The following PARD3 variants were observed in gnomAD, a reference collection of about 807,000 sequenced individuals.
PARD3 encodes the protein partitioning defective 3 homolog.
In PARD3, 75 loss-of-function variants were observed where a neutral mutation model predicts 155.4. The ratio of observed to expected loss-of-function variants is 0.48; its 90% confidence interval spans 0.40 to 0.58. The LOEUF (loss-of-function observed/expected upper bound fraction) is 0.58. PARD3 is among the 20% of genes least tolerant of loss of function. PARD3 has a pLI of 0.00. For synonymous variants in PARD3, 576 were observed against 610.5 expected (o/e 0.94, Z 0.83); for missense variants, 1,642 against 1,721.7 (o/e 0.95, Z 0.82).
At chr10:34,690,493 T>C (rs1006919934) in intron 2 of PARD3, among the ~76,000 whole-genome samples, 3 of 152,158 alleles carry the variant, frequency 2.0e-5, no homozygotes, top group African/African-American at 7.2e-5. Context: ...TGGTACTGCA[T>C]AACCCTTCAG....
At chr10:34,141,195 T>C (rs562905234) in intron 22 of PARD3, among the ~76,000 whole-genome samples, 1 of 152,318 alleles carries the variant, frequency 6.6e-6, no homozygotes, top group Admixed American at 6.5e-5. Context: ...TTTATATGTG[T>C]CTATGTATAC....
At chr10:34,653,970 C>T (rs755090818) in intron 2 of PARD3, among the ~76,000 whole-genome samples, 3 of 152,110 alleles carry the variant, frequency 2.0e-5, no homozygotes, top group African/African-American at 7.2e-5. Flanking sequence ...TGTACACAGA[C>T]ATGCACACCA....
At chr10:34,632,382 C>T (rs1172808158) in intron 2 of PARD3, among the ~76,000 whole-genome samples, 1 of 152,178 alleles carries the variant, frequency 6.6e-6, no homozygotes, top group Non-Finnish European at 1.5e-5. Context: ...CTAAGGAGGC[C>T]ACCACAACCT....
intron 22 of PARD3, among the ~76,000 whole-genome samples, chr10:34,133,493 ATCT>A (rs754461875): frequency 3.4e-4 from 52 of 152,308 alleles, no homozygotes; most frequent in East Asian, 2.7e-3. Flanking sequence ...CAAGAACCAC[ATCT>A]TCTTCTTATC....
At chr10:34,637,301 C>T (rs770329980) in intron 2 of PARD3, among the ~76,000 whole-genome samples, 1 of 152,204 alleles carries the variant, frequency 6.6e-6, no homozygotes, top group Non-Finnish European at 1.5e-5. Flanking sequence ...CAACTAACTC[C>T]TCTTATTTCC....
At chr10:34,568,387 C>T (rs958988619) in intron 2 of PARD3, among the ~76,000 whole-genome samples, 1 of 151,994 alleles carries the variant, frequency 6.6e-6, no homozygotes, top group African/African-American at 2.4e-5. Context: ...ATTTTAAATA[C>T]TTCTGTTTTG....
At chr10:34,623,172 G>A (rs765638787) in intron 2 of PARD3, among the ~76,000 whole-genome samples, 2 of 152,054 alleles carry the variant, frequency 1.3e-5, no homozygotes, top group South Asian at 2.1e-4. Flanking sequence ...TTCGACAGTC[G>A]AAAGTGAAAA....
chr10:34,355,948 AAAACAAAACCAAAC>A (rs1564622684), intron 14 of PARD3, among the ~76,000 whole-genome samples: 12 of 127,940 alleles, frequency 9.4e-5, no homozygotes, highest in African/African-American at 4.0e-4. Flanking sequence ...AAAAAAAAAC[AAAACAAAACCAAAC>A]AAAAAAACAG....
At chr10:34,681,768 A>ATATAT (rs1564500729) in intron 2 of PARD3, among the ~76,000 whole-genome samples, 1 of 17,398 alleles carries the variant, frequency 5.7e-5, no homozygotes, top group Non-Finnish European at 9.3e-5. Context: ...ATATATATAT[A>ATATAT]TTTTTTTTTT....
At chr10:34,610,448 A>G (rs1213074181) in intron 2 of PARD3, among the ~76,000 whole-genome samples, 1 of 152,222 alleles carries the variant, frequency 6.6e-6, no homozygotes, top group South Asian at 2.1e-4. Context: ...GAATACTCTA[A>G]TATTAAACAG....
rs11330074 is a variant in PARD3 at position 34,393,836 on chromosome 10, A to AT, written c.890+5493dup. On this transcript the variant is annotated intron_variant, in intron 7 of 24. Coordinates refer to ENST00000374788, the MANE Select transcript of PARD3 (RefSeq NM_001184785.2). ...TGAAGCCCAAGTAAGAATAGTAGTAATTTTTTTTTTTTTTTTTTTGAGACA... is the reference window on the plus strand; with the variant it reads ...TGAAGCCCAAGTAAGAATAGTAGTAATTTTTTTTTTTTTTTTTTTTGAGACA... 4.7e-3 allele frequency among the ~76,000 whole-genome samples: 602 copies of AT among 128,810 alleles called. 5 individuals carry two copies. The highest frequency in any genetic ancestry group is 6.2e-3 in the Admixed American group (79 of 12,714). 84.5% of individuals were successfully genotyped at this position (128,810 alleles called of 152,430 possible).
chr10:34,269,113 C>T (rs1273168448), intron 22 of PARD3, among the ~76,000 whole-genome samples: 2 of 152,124 alleles, frequency 1.3e-5, no homozygotes, highest in Non-Finnish European at 2.9e-5. Context: ...ACATTGCACT[C>T]CTGTGTGCTA....
intron 22 of PARD3, among the ~76,000 whole-genome samples, chr10:34,198,484 G>A (rs1011773950): frequency 2.1e-5 from 3 of 145,552 alleles, no homozygotes; most frequent in African/African-American, 7.7e-5. Flanking sequence ...GTGTGTGTGT[G>A]TGTATGTGTG....
intron 22 of PARD3, among the ~76,000 whole-genome samples, chr10:34,213,664 A>G (rs770284667): frequency 2.6e-5 from 4 of 152,190 alleles, no homozygotes; most frequent in Non-Finnish European, 4.4e-5. Context: ...AGAGGCCTTC[A>G]AAGGGCTCTC....
chr10:34,719,142 T>C (rs1232882967), intron 1 of PARD3, among the ~76,000 whole-genome samples: 2 of 152,270 alleles, frequency 1.3e-5, no homozygotes, highest in Middle Eastern at 3.4e-3. Flanking sequence ...CTGCTAGGGA[T>C]AGACTAGGGC....
chr10:34,373,978 T>C (rs1053785687), intron 11 of PARD3, among the ~76,000 whole-genome samples: 3 of 152,172 alleles, frequency 2.0e-5, no homozygotes, highest in Non-Finnish European at 4.4e-5. Flanking sequence ...CTCTAGATTA[T>C]ACAAATTAAT....
At chr10:34,240,964 G>T in intron 22 of PARD3, among the ~76,000 whole-genome samples, 1 of 152,158 alleles carries the variant, frequency 6.6e-6, no homozygotes, top group Non-Finnish European at 1.5e-5. Flanking sequence ...AGCAGCCACC[G>T]TCTGCCAGCC....
At chr10:34,762,454 T>C (rs1378893633) in intron 1 of PARD3, among the ~76,000 whole-genome samples, 2 of 143,126 alleles carry the variant, frequency 1.4e-5, no homozygotes, top group Non-Finnish European at 3.0e-5. Flanking sequence ...CACAGACACA[T>C]GCCACCATGC....
At chr10:34,631,217 A>G (rs2092254115) in intron 2 of PARD3, among the ~76,000 whole-genome samples, 1 of 152,150 alleles carries the variant, frequency 6.6e-6, no homozygotes, top group Non-Finnish European at 1.5e-5. Flanking sequence ...GGGTGTACCC[A>G]CTCAGCCCCT....
Sources: gnomAD v4.1 joint callset for allele counts (sites outside exome capture counted in the v4.1 genomes callset) on GRCh38, gnomAD v4.1.1 for gene constraint, MANE v1.5 for transcripts, NCBI Gene and HGNC (gene_info 2026-07-23, HGNC 2026-07-21) for gene names.